The following H3-7 variants were observed in gnomAD, a reference collection of about 807,000 sequenced individuals.
H3-7 encodes the protein H3.7 histone (putative), also known as histone H3-7.
At chr1:143,904,605 T>C in the H3-7 span, 253 of 1,584,404 alleles carry the variant, frequency 1.6e-4, 4 homozygotes, top group African/African-American at 3.0e-3. Context: ...ATCCGGCATT[T>C]TTGCGCGAAA....
At chr1:143,904,357 G>A in the H3-7 span, 14 of 1,582,706 alleles carry the variant, frequency 8.8e-6, 2 homozygotes, top group Non-Finnish European at 1.2e-5. Flanking sequence ...TTGTTGTAGT[G>A]CGCCAGGCGG....
At chr1:143,905,244 A>G in the H3-7 span, among the ~76,000 whole-genome samples, 1 of 105,720 alleles carries the variant, frequency 9.5e-6, no homozygotes, top group Non-Finnish European at 2.0e-5. Flanking sequence ...TTCCACATCT[A>G]GAAACTCCCC....
At chr1:143,905,791 G>A in the H3-7 span, 9 of 1,582,150 alleles carry the variant, frequency 5.7e-6, 3 homozygotes, top group East Asian at 4.6e-5. Context: ...CAGCAGCTCC[G>A]TAGACTTCTG....
the H3-7 span, chr1:143,905,616 G>T: frequency 2.5e-6 from 4 of 1,582,578 alleles, no homozygotes; most frequent in Non-Finnish European, 1.7e-6. Context: ...TGATGGTCAC[G>T]CGCTTGGCAT....
the H3-7 span, chr1:143,905,786 G>A: frequency 6.3e-7 from 1 of 1,582,206 alleles, no homozygotes; most frequent in Non-Finnish European, 8.7e-7. Context: ...CGGATCAGCA[G>A]CTCCGTAGAC....
At chr1:143,903,867 C>T in the H3-7 span, among the ~76,000 whole-genome samples, 2 of 140,808 alleles carry the variant, frequency 1.4e-5, no homozygotes, top group East Asian at 2.1e-4. Context: ...AAAAGGAAAA[C>T]GACTTTAAAG....
the H3-7 span, chr1:143,904,504 G>C: frequency 3.1e-6 from 5 of 1,605,194 alleles, 1 homozygote; most frequent in East Asian, 2.3e-5. Flanking sequence ...CTCTCCTTGC[G>C]GCTGCGCTTG....
the H3-7 span, chr1:143,905,578 C>A: frequency 6.3e-7 from 1 of 1,581,030 alleles, no homozygotes; most frequent in Admixed American, 1.7e-5. Context: ...CCCGCGGATG[C>A]GGCTGACCAA....
the H3-7 span, chr1:143,905,704 G>C: frequency 6.3e-7 from 1 of 1,582,674 alleles, no homozygotes; most frequent in Non-Finnish European, 8.7e-7. Flanking sequence ...CATCACGGCC[G>C]AGCTCTGGAA....
the H3-7 span, chr1:143,905,868 C>T: frequency 1.3e-6 from 2 of 1,580,640 alleles, no homozygotes; most frequent in Admixed American, 1.7e-5. Context: ...TCACCCCGCC[C>T]GTGGCCGGCG....
the H3-7 span, chr1:143,904,619 G>C: frequency 7.3e-5 from 116 of 1,582,136 alleles, 9 homozygotes; most frequent in South Asian, 1.3e-3. Flanking sequence ...CGCGAAAAAA[G>C]AGAACAGAGA....
At chr1:143,904,719 C>T in the H3-7 span, 10 of 1,155,042 alleles carry the variant, frequency 8.7e-6, no homozygotes, top group Non-Finnish European at 5.0e-6. Flanking sequence ...CAAAGTGCTG[C>T]GCTTTAATTG....
chr1:143,903,947 C>T, the H3-7 span, among the ~76,000 whole-genome samples: 1 of 146,628 alleles, frequency 6.8e-6, no homozygotes, highest in Non-Finnish European at 1.5e-5. Context: ...CCCAAATATC[C>T]CAGAACGAGT....
the H3-7 span, among the ~76,000 whole-genome samples, chr1:143,902,423 C>T: frequency 6.8e-6 from 1 of 146,284 alleles, no homozygotes; most frequent in African/African-American, 2.5e-5. Flanking sequence ...TAAATTTGAA[C>T]TTCAACATCA....
At chr1:143,905,468 A>T in the H3-7 span, 1 of 1,015,762 alleles carries the variant, frequency 9.8e-7, no homozygotes, top group Admixed American at 2.3e-5. Flanking sequence ...GCAGACGCAC[A>T]TCAGATGGAG....
chr1:143,905,725 G>C, the H3-7 span: 2 of 1,581,900 alleles, frequency 1.3e-6, no homozygotes, highest in East Asian at 2.3e-5. Context: ...GCGCAGGTCC[G>C]TCTTAAACTC....
the H3-7 span, among the ~76,000 whole-genome samples, chr1:143,904,015 A>T: frequency 1.4e-5 from 2 of 145,120 alleles, no homozygotes; most frequent in South Asian, 4.6e-4. Context: ...CTAGACGGGG[A>T]TGACTGAGGG....
At chr1:143,903,135 T>A in the H3-7 span, among the ~76,000 whole-genome samples, 2 of 134,326 alleles carry the variant, frequency 1.5e-5, no homozygotes, top group African/African-American at 5.5e-5. Context: ...GAGCTTGCAG[T>A]GAGCCGAGAT....
At chr1:143,904,906 T>C in the H3-7 span, among the ~76,000 whole-genome samples, 1 of 140,646 alleles carries the variant, frequency 7.1e-6, no homozygotes, top group Non-Finnish European at 1.6e-5. Context: ...GAGGTTTTTT[T>C]CTTGGTTTTC....
Sources: allele counts gnomAD v4.1 joint callset (sites outside exome capture counted in the v4.1 genomes callset), GRCh38; gene constraint gnomAD v4.1.1; transcripts MANE v1.5; gene names NCBI Gene and HGNC (gene_info 2026-07-23, HGNC 2026-07-21).